The following ITFG2 variants were observed in gnomAD, a reference collection of about 807,000 sequenced individuals.
ITFG2 encodes the protein integrin alpha FG-GAP repeat containing 2.
A neutral mutation model predicts 54.4 loss-of-function variants in ITFG2; 36 were observed. That is an observed-to-expected ratio of 0.66 (90% CI 0.51 to 0.87). The LOEUF is 0.87. Ranked by LOEUF, ITFG2 falls within the 40% of genes least tolerant of loss-of-function variation. The pLI, the probability that ITFG2 is intolerant of heterozygous loss-of-function variation, is 0.00. For synonymous variants in ITFG2, 211 were observed against 225.4 expected (o/e 0.94, Z 0.57); for missense variants, 524 against 576.7 (o/e 0.91, Z 0.94).
At chr12:2,844,733 C>T (rs148259682) in intron 2 of ITFG2, among the ~76,000 whole-genome samples, 4 of 152,140 alleles carry the variant, frequency 2.6e-5, no homozygotes, top group African/African-American at 9.6e-5. Flanking sequence ...AAGCTGTGGG[C>T]CTGCACTTGG....
chr12:2,825,918 A>G (rs553536457), downstream of ITFG2: 1 of 152,296 alleles, frequency 6.6e-6, no homozygotes, highest in South Asian at 2.1e-4. Flanking sequence ...GTTCACCACC[A>G]TACCTGGCTA....
At chr12:2,854,661 A>G (rs1205285600) in intron 2 of ITFG2, among the ~76,000 whole-genome samples, 1 of 152,200 alleles carries the variant, frequency 6.6e-6, no homozygotes, top group Non-Finnish European at 1.5e-5. Flanking sequence ...CCCAGTGCCT[A>G]CCAGGTGTCA....
intron 2 of ITFG2, among the ~76,000 whole-genome samples, chr12:2,851,865 G>A (rs2098072192): frequency 6.6e-6 from 1 of 151,918 alleles, no homozygotes; most frequent in South Asian, 2.1e-4. Context: ...TTGTAGTAGA[G>A]AGAGGGTTTC....
upstream of ITFG2, chr12:2,834,525 A>G (rs1351870596): frequency 1.5e-5 from 21 of 1,397,438 alleles, no homozygotes; most frequent in Non-Finnish European, 1.9e-5. Flanking sequence ...CATCTCAGCA[A>G]GGGAGCGGGA....
intron 2 of ITFG2, among the ~76,000 whole-genome samples, chr12:2,843,726 T>G (rs1381390986): frequency 6.6e-6 from 1 of 151,802 alleles, no homozygotes; most frequent in Admixed American, 6.6e-5. Context: ...GGCAGAAGAA[T>G]CACTTGAACC....
intron 2 of ITFG2, among the ~76,000 whole-genome samples, chr12:2,855,882 G>A (rs894597014): frequency 6.6e-5 from 10 of 152,016 alleles, no homozygotes; most frequent in Admixed American, 3.3e-4. Flanking sequence ...TGGTCTTGGC[G>A]GTATACCAGG....
chr12:2,813,286 C>T (rs2097913703), intron 1 of ITFG2, among the ~76,000 whole-genome samples: 1 of 152,138 alleles, frequency 6.6e-6, no homozygotes, highest in African/African-American at 2.4e-5. Context: ...CGTGCCCAGC[C>T]CTTCTCGTTT....
rs139085537 is a variant in ITFG2, at chr12:2,848,504, A to G, written n.300+7509A>G. On this transcript the variant is annotated intron_variant and non_coding_transcript_variant, in intron 2 of 3. Transcript: ENST00000537710. The stretch of plus-strand genomic sequence containing the variant: ...TCCTCCACACCCTTCCCCCACAGGT[A>G]TCCCCAACAGGGTGTGGAGAGGCCG... Among the ~76,000 whole-genome samples, 400 of 152,296 alleles carry G rather than the reference A, an allele frequency of 2.6e-3. 1 individual carries two copies. The highest frequency in any genetic ancestry group is 3.5e-3 in the Non-Finnish European group (239 of 68,016).
intron 2 of ITFG2, among the ~76,000 whole-genome samples, chr12:2,846,294 G>T (rs917392674): frequency 1.3e-5 from 2 of 152,180 alleles, no homozygotes; most frequent in Non-Finnish European, 2.9e-5. Context: ...CTTTCTGCCC[G>T]CCCCTAGCTT....
At chr12:2,836,613 C>G (rs948435079), upstream of ITFG2, 15 of 152,240 alleles carry the variant, frequency 9.9e-5, no homozygotes, top group Admixed American at 5.9e-4. Context: ...CTTCACCCCC[C>G]AAATGTACCC....
At position 2,823,781 on chromosome 12, in the gene ITFG2, T is replaced by A. The variant is rs2097954431; in HGVS notation, c.1078T>A (p.Cys360Ser). 6.4e-7 allele frequency: 1 copy of A among 1,569,558 alleles called. No homozygotes were observed. The highest frequency in any genetic ancestry group is 1.4e-5 in the African/African-American group (1 of 73,978). ...IRAFCAGLYA[C>S]KEGRNSPCLV... ...CCAACATCTTCCAGGCCTGTACGCC[T>A]GCAAAGAGGGCCGCAACAGCCCCTG... is the stretch of plus-strand genomic sequence containing the variant. The change falls in exon 11 of 12, where the codon TGC becomes AGC. Residue 360 changes from cysteine to serine, a missense_variant. Physicochemically the swap from Cys to Ser is moderately radical, Grantham distance 112. Transcript: ENST00000228799.
chr12:2,839,977 G>A (rs2098037087), intron 1 of ITFG2, among the ~76,000 whole-genome samples: 1 of 152,124 alleles, frequency 6.6e-6, no homozygotes, highest in South Asian at 2.1e-4. Context: ...AGAGGAGCTA[G>A]GGCTGAAGAA....
rs147234240 is a variant in ITFG2 at position 2,817,931 on chromosome 12, A to T, written c.215A>T (p.Asp72Val). Residue 72 changes from aspartate (D) to valine (V), a missense_variant, in exon 3 of 12, where the codon GAC becomes GTC. Transcript: ENST00000228799. ...QGMLTCVGVG[D>V]VCNKGKNLLV... ...CAGCTGACTTGCGTTGGGGTTGGAGACGTGTGTAATAAAGGAAAGGTAAGA... is the reference window on the plus strand; with the variant it reads ...CAGCTGACTTGCGTTGGGGTTGGAGTCGTGTGTAATAAAGGAAAGGTAAGA... 6.2e-7 allele frequency: 1 copy of T among 1,613,652 alleles called. No homozygotes were observed. The highest frequency in any genetic ancestry group is 1.3e-5 in the African/African-American group (1 of 74,820).
At chr12:2,817,528 G>A (rs903924456) in intron 2 of ITFG2, 14 of 570,492 alleles carry the variant, frequency 2.5e-5, no homozygotes, top group Non-Finnish European at 4.1e-5. Flanking sequence ...GTGGGCTGGG[G>A]TGTTTTTGTG....
At position 2,820,137 on chromosome 12, in the gene ITFG2, G is replaced by A. The variant is rs1429996518; in HGVS notation, c.458G>A (p.Arg153Gln). Residue 153 changes from arginine (R) to glutamine (Q), a missense_variant, in exon 5 of 12, where the codon CGA (arginine) becomes CAA (glutamine). By Grantham distance (43) the Arg-to-Gln change is conservative (BLOSUM62 1). Transcript: ENST00000228799. ...GTGGGCTACACAGACCGTGTGGTGC[G>A]AGCTTTCCGCTGGGAGGAGCTAGGT... Reference protein sequence around the residue: ...LVVGYTDRVVRAFRWEELGEG... With the variant: ...LVVGYTDRVVQAFRWEELGEG... The A allele has an allele frequency of 1.9e-6, 3 of 1,614,002 alleles. No homozygotes were observed. The highest frequency in any genetic ancestry group is 2.5e-6 in the Non-Finnish European group (3 of 1,179,940).
At chr12:2,817,721 G>T in intron 2 of ITFG2, 188 bp from the exon 3 acceptor site, 1 of 549,378 alleles carries the variant, frequency 1.8e-6, no homozygotes, top group Non-Finnish European at 3.2e-6. Context: ...TCTTCATGTT[G>T]CTGTCTGGGT....
At chr12:2,827,835 G>C, downstream of ITFG2, 1 of 1,606,256 alleles carries the variant, frequency 6.2e-7, no homozygotes, top group Non-Finnish European at 8.5e-7. The surrounding 1 kb of genome is among the most constrained non-coding windows in gnomAD (Gnocchi z 4.0). Flanking sequence ...GGAACTCCTC[G>C]TGCTGCAGGG....
At chr12:2,820,980 T>A in intron 6 of ITFG2, 108 bp downstream of exon 6, 1 of 1,191,020 alleles carries the variant, frequency 8.4e-7, no homozygotes, top group Non-Finnish European at 1.2e-6. Context: ...AGCTGCCTCA[T>A]CTAGGTCCCA....
chr12:2,859,353 C>T, intron 3 of ITFG2: 1 of 1,613,818 alleles, frequency 6.2e-7, no homozygotes, highest in Non-Finnish European at 8.5e-7. Flanking sequence ...TTCCGAGACA[C>T]ACCGGGTTGG....
Sources: gnomAD v4.1 joint callset for allele counts (sites outside exome capture counted in the v4.1 genomes callset) on GRCh38, gnomAD v4.1.1 for gene constraint, Gnocchi (gnomAD v3.1) non-coding constraint, MANE v1.5 for transcripts, NCBI Gene and HGNC (gene_info 2026-07-23, HGNC 2026-07-21) for gene names.